KLHL8: variants seen among roughly 807,000 people sequenced by gnomAD.
The protein encoded by KLHL8 is kelch like family member 8, also known as kelch-like protein 8.
A neutral mutation model predicts 63.5 loss-of-function variants in KLHL8; 38 were observed. The observed-to-expected ratio is 0.60, with a 90% CI of 0.46 to 0.78. The LOEUF is 0.78. Among genes scored for constraint, KLHL8 ranks in the 30% least tolerant of loss-of-function variants. The probability of loss-of-function intolerance (pLI) is 0.00; values close to 1 mark genes in which losing one functional copy is unlikely to be tolerated. For synonymous variants in KLHL8, 224 were observed against 254.3 expected (o/e 0.88, Z 1.13); for missense variants, 566 against 752.4 (o/e 0.75, Z 2.90).
chr4:87,216,277 T>G (rs1038769096), intron 1 of KLHL8, among the ~76,000 whole-genome samples: 5 of 152,170 alleles, frequency 3.3e-5, no homozygotes, highest in African/African-American at 1.2e-4. Context: ...AATATCAACT[T>G]CTAGCTTTGG....
upstream of KLHL8, among the ~76,000 whole-genome samples, chr4:87,221,888 A>C (rs1369629347): frequency 6.6e-6 from 1 of 152,214 alleles, no homozygotes; most frequent in East Asian, 1.9e-4. Context: ...GATGAGTTTT[A>C]AAGAAGTATG....
chr4:87,169,668 C>A (rs1730561012), intron 8 of KLHL8, among the ~76,000 whole-genome samples: 1 of 152,102 alleles, frequency 6.6e-6, no homozygotes. Flanking sequence ...TCATGACCAG[C>A]CTGGGCAACA....
intron 1 of KLHL8, among the ~76,000 whole-genome samples, chr4:87,201,867 C>G (rs1731929923): frequency 6.6e-6 from 1 of 152,000 alleles, no homozygotes; most frequent in Non-Finnish European, 1.5e-5. Context: ...ACCAAAATAT[C>G]AAAATTTGTA....
At chr4:87,208,580 T>G (rs964653282) in intron 1 of KLHL8, among the ~76,000 whole-genome samples, 4 of 152,196 alleles carry the variant, frequency 2.6e-5, no homozygotes, top group East Asian at 3.9e-4. Context: ...TCAGGCCATC[T>G]TCCCCCCTGG....
chr4:87,224,102 C>T (rs1732930376), upstream of KLHL8, among the ~76,000 whole-genome samples: 1 of 151,930 alleles, frequency 6.6e-6, no homozygotes, highest in African/African-American at 2.4e-5. Context: ...CGCCTTGTTA[C>T]CCAGGCTGGA....
Position 87,219,703 on chromosome 4 carries a change from C to T in KLHL8, c.-152+715G>A, listed in dbSNP as rs534584289. On this transcript the variant is annotated intron_variant, in intron 1 of 9. Coordinates refer to ENST00000273963, the MANE Select transcript of KLHL8 (RefSeq NM_020803.5). ...ACTGAACCCAGCACGGAGTGGAAGG[C>T]GTAAAGAGCTGTCATCGTGGCGGTA... 5 of 152,412 alleles carry T rather than the reference C, an allele frequency of 3.3e-5. No individual in the cohort carries two copies. In the South Asian group the frequency reaches 1.0e-3, roughly 32 times the overall value. 9.4% of individuals were successfully genotyped at this position (152,412 alleles called of 1,614,324 possible). A position where few individuals can be genotyped will look rare whatever the true frequency, so the allele number is the denominator to read the frequency against.
Position 87,186,875 on chromosome 4 carries a change from AGAGAGT to A in KLHL8, c.217-1082_217-1077del, listed in dbSNP as rs201180803. Among the ~76,000 whole-genome samples, 145 of 152,292 alleles carry A rather than the reference AGAGAGT, an allele frequency of 9.5e-4. 1 individual carries two copies. In the East Asian group the frequency reaches 0.025, roughly 27 times the overall value. ...AATTTATCAATCAGAAAACTGGAGC[AGAGAGT>A]AAATATTTAGTAGTATTTACTATGA... On this transcript the variant is annotated intron_variant, in intron 2 of 9. Coordinates refer to ENST00000273963, the MANE Select transcript of KLHL8 (RefSeq NM_020803.5).
At chr4:87,178,690 T>C in intron 4 of KLHL8, 70 bp from the exon 5 acceptor site, 1 of 1,435,996 alleles carries the variant, frequency 7.0e-7, no homozygotes. Flanking sequence ...AAGCCAAAAC[T>C]TTGGATAAAA....
At position 87,185,586 on chromosome 4, in the gene KLHL8, C is replaced by A. The variant is rs1731221133; in HGVS notation, c.430G>T (p.Ala144Ser). ...VDNVQPLLYA[A>S]CILQVELVAR... ...ACCAGTTCAACCTGCAGAATACAGG[C>A]TGCATATAAGAGAGGCTGGACATTG... Residue 144 changes from alanine to serine, a missense_variant, in exon 3 of 10, where the codon GCC becomes TCC. Physicochemically the swap from Ala to Ser is moderately conservative, Grantham distance 99. Coordinates refer to ENST00000273963, the MANE Select transcript of KLHL8 (RefSeq NM_020803.5). 1 of 1,614,078 alleles carries A rather than the reference C, an allele frequency of 6.2e-7. No individual in the cohort carries two copies.
At chr4:87,203,488 C>T (rs1731996626) in intron 1 of KLHL8, among the ~76,000 whole-genome samples, 1 of 149,974 alleles carries the variant, frequency 6.7e-6, no homozygotes, top group Non-Finnish European at 1.5e-5. Flanking sequence ...CAAAATGTGC[C>T]ACTGCACCCC....
At chr4:87,235,113 T>C (rs140516894) in intron 1 of KLHL8, among the ~76,000 whole-genome samples, 72 of 152,304 alleles carry the variant, frequency 4.7e-4, no homozygotes, top group Middle Eastern at 6.8e-3. Flanking sequence ...ATTTTATTTA[T>C]AGTGTAGCCT....
At chr4:87,186,036 TA>T (rs1009593828) in intron 2 of KLHL8, among the ~76,000 whole-genome samples, 39 of 151,520 alleles carry the variant, frequency 2.6e-4, no homozygotes, top group African/African-American at 8.8e-4. Flanking sequence ...ACTTTAAAAT[TA>T]AAAAAAAATT....
intron 1 of KLHL8, among the ~76,000 whole-genome samples, chr4:87,236,711 C>A (rs1733237799): frequency 1.5e-5 from 2 of 136,160 alleles, no homozygotes; most frequent in Admixed American, 1.6e-4. Context: ...GTCACCCAGG[C>A]TGGAGTGCAG....
intron 1 of KLHL8, among the ~76,000 whole-genome samples, chr4:87,204,242 A>AC (rs1425581193): frequency 1.3e-5 from 2 of 152,120 alleles, no homozygotes; most frequent in Admixed American, 1.3e-4. Context: ...CACACACCCC[A>AC]CAACCATAAT....
chr4:87,229,446 G>T (rs960671434), intron 1 of KLHL8, among the ~76,000 whole-genome samples: 3 of 150,276 alleles, frequency 2.0e-5, no homozygotes, highest in African/African-American at 7.4e-5. Context: ...GGTGGGGGGG[G>T]GTGCAGGGAA....
chr4:87,166,435 G>A (rs1473108392), intron 8 of KLHL8, among the ~76,000 whole-genome samples: 1 of 152,156 alleles, frequency 6.6e-6, no homozygotes, highest in East Asian at 1.9e-4. Flanking sequence ...CCTCTATAAA[G>A]GAAGGTATTA....
intron 1 of KLHL8, among the ~76,000 whole-genome samples, chr4:87,203,908 A>G (rs1043930656): frequency 4.6e-5 from 7 of 152,138 alleles, no homozygotes; most frequent in Non-Finnish European, 8.8e-5. Context: ...TTGACAAAAA[A>G]TTTACATCCC....
At chr4:87,174,079 C>A (rs971232213) in intron 6 of KLHL8, among the ~76,000 whole-genome samples, 2 of 152,086 alleles carry the variant, frequency 1.3e-5, no homozygotes, top group South Asian at 4.1e-4. Context: ...TTTAATTGCT[C>A]ATTTTGATAA....
intron 1 of KLHL8, among the ~76,000 whole-genome samples, chr4:87,210,238 T>G (rs1001744528): frequency 1.3e-5 from 2 of 152,026 alleles, no homozygotes; most frequent in African/African-American, 4.8e-5. Context: ...TCCCAGCACT[T>G]TGGGAGGCCG....
Sources: allele counts gnomAD v4.1 joint callset (sites outside exome capture counted in the v4.1 genomes callset), GRCh38; gene constraint gnomAD v4.1.1; transcripts MANE v1.5; gene names NCBI Gene and HGNC (gene_info 2026-07-23, HGNC 2026-07-21).